TMEM132C: variants seen among roughly 807,000 people sequenced by gnomAD.
The protein encoded by TMEM132C is protein phosphatase 1, regulatory subunit 152.
In TMEM132C, 29 loss-of-function variants were observed where a neutral mutation model predicts 61.4. The ratio of observed to expected loss-of-function variants is 0.47; its 90% CI spans 0.35 to 0.64. TMEM132C has a LOEUF of 0.64. Ranked by LOEUF, TMEM132C falls within the 30% of genes least tolerant of loss-of-function variation. The probability of loss-of-function intolerance (pLI) is 0.00; values close to 1 mark genes in which losing one functional copy is unlikely to be tolerated. For synonymous variants in TMEM132C, 656 were observed against 633.1 expected (o/e 1.04, Z -0.54); for missense variants, 1,408 against 1,476.9 (o/e 0.95, Z 0.76).
At chr12:128,332,638 C>T (rs1872691640) in intron 1 of TMEM132C, among the ~76,000 whole-genome samples, 1 of 152,360 alleles carries the variant, frequency 6.6e-6, no homozygotes, top group Middle Eastern at 3.4e-3. Flanking sequence ...CTTTGGTGCA[C>T]CTGTCACCCT....
intron 4 of TMEM132C, among the ~76,000 whole-genome samples, chr12:128,640,796 A>G (rs545357034): frequency 2.6e-5 from 4 of 152,308 alleles, no homozygotes; most frequent in Admixed American, 1.3e-4. Flanking sequence ...CTGAGGTAGG[A>G]GGATCACTTG....
chr12:128,313,091 C>T (rs1872030287), intron 1 of TMEM132C, among the ~76,000 whole-genome samples: 1 of 152,232 alleles, frequency 6.6e-6, no homozygotes, highest in Admixed American at 6.5e-5. Context: ...CTGGCAGCCT[C>T]CGGCCTGCAA....
At chr12:128,340,797 C>CTCTT (rs1362815457) in intron 1 of TMEM132C, among the ~76,000 whole-genome samples, 1 of 137,810 alleles carries the variant, frequency 7.3e-6, no homozygotes, top group East Asian at 2.0e-4. Flanking sequence ...CTCTCTCTCT[C>CTCTT]TCTTTCTTTC....
intron 2 of TMEM132C, among the ~76,000 whole-genome samples, chr12:128,518,372 G>A (rs1201567209): frequency 6.6e-6 from 1 of 152,258 alleles, no homozygotes; most frequent in African/African-American, 2.4e-5. Flanking sequence ...AAGTTCAGGC[G>A]GCGTCCTTGG....
intron 3 of TMEM132C, among the ~76,000 whole-genome samples, chr12:128,569,136 A>G (rs1230473295): frequency 4.6e-5 from 7 of 152,034 alleles, no homozygotes; most frequent in African/African-American, 1.7e-4. Flanking sequence ...TTCTCTGAGG[A>G]GGTGATGTTT....
chr12:128,549,311 G>A (rs145296044), intron 3 of TMEM132C, among the ~76,000 whole-genome samples: 61 of 152,214 alleles, frequency 4.0e-4, no homozygotes, highest in African/African-American at 1.2e-3. Flanking sequence ...CGTGAGACAC[G>A]AGGCCAGGCC....
chr12:128,447,215 C>G (rs904217568), intron 2 of TMEM132C, among the ~76,000 whole-genome samples: 27 of 152,292 alleles, frequency 1.8e-4, no homozygotes, highest in Middle Eastern at 3.4e-3. Context: ...AATCATCATG[C>G]TCCCAGGGAA....
At chr12:128,288,954 C>T (rs2062027889) in intron 1 of TMEM132C, 1 of 152,244 alleles carries the variant, frequency 6.6e-6, no homozygotes, top group African/African-American at 2.4e-5. Flanking sequence ...TGCACCGCCC[C>T]CCACACAGTC....
chr12:128,505,977 G>T (rs187599565), intron 2 of TMEM132C, among the ~76,000 whole-genome samples: 172 of 152,318 alleles, frequency 1.1e-3, no homozygotes, highest in African/African-American at 4.1e-3. Flanking sequence ...GTGTTCTGCT[G>T]CATGTAACTG....
intron 5 of TMEM132C, among the ~76,000 whole-genome samples, chr12:128,692,196 A>G (rs1260659352): frequency 1.3e-5 from 2 of 152,142 alleles, no homozygotes; most frequent in African/African-American, 2.4e-5. Flanking sequence ...CCATCCATCC[A>G]TCTGTTCATC....
intron 3 of TMEM132C, among the ~76,000 whole-genome samples, chr12:128,544,645 G>A (rs183760847): frequency 5.8e-5 from 7 of 120,756 alleles, no homozygotes; most frequent in East Asian, 2.8e-4. Flanking sequence ...CAATTATAGC[G>A]GGGGGAATCA....
intron 2 of TMEM132C, among the ~76,000 whole-genome samples, chr12:128,514,538 G>A (rs1255172046): frequency 2.6e-5 from 4 of 152,042 alleles, no homozygotes; most frequent in Non-Finnish European, 4.4e-5. Context: ...GGGTGCGGGG[G>A]CGACGCAATT....
At chr12:128,327,451 C>T (rs1249535835) in intron 1 of TMEM132C, among the ~76,000 whole-genome samples, 7 of 149,256 alleles carry the variant, frequency 4.7e-5, no homozygotes, top group Non-Finnish European at 1.5e-5. Context: ...GGCGCGATCC[C>T]GGCTCACTGC....
At chr12:128,701,272 C>G (rs536332378) in intron 8 of TMEM132C, among the ~76,000 whole-genome samples, 1 of 150,118 alleles carries the variant, frequency 6.7e-6, no homozygotes, top group African/African-American at 2.5e-5. Flanking sequence ...CAAAGTTGAT[C>G]ATTGAAAGTT....
In TMEM132C at chr12:128,497,606, C is replaced by G. The variant is rs111998930; in HGVS notation, c.975-46351C>G. On this transcript the variant is annotated intron_variant, in intron 2 of 8. Transcript: ENST00000435159. ...TGCTGTGCTAGCAACGAGCGAGGCTCCGTGGGCATGGGACCCTCTGAGCCA... is the reference window on the plus strand; with the variant it reads ...TGCTGTGCTAGCAACGAGCGAGGCTGCGTGGGCATGGGACCCTCTGAGCCA... 4.6e-4 allele frequency among the ~76,000 whole-genome samples: 70 copies of G among 152,326 alleles called. 1 individual carries two copies. The highest frequency in any genetic ancestry group is 1.5e-3 in the African/African-American group (62 of 41,560).
intron 2 of TMEM132C, among the ~76,000 whole-genome samples, chr12:128,527,805 C>A (rs1206630231): frequency 6.6e-6 from 1 of 152,094 alleles, no homozygotes; most frequent in Admixed American, 6.6e-5. Context: ...CAAGCCAACA[C>A]TTGCCTAGGT....
At chr12:128,617,065 T>A (rs1876826144) in intron 4 of TMEM132C, among the ~76,000 whole-genome samples, 1 of 152,198 alleles carries the variant, frequency 6.6e-6, no homozygotes, top group Admixed American at 6.5e-5. Context: ...TCTAGAAAAG[T>A]GTTTCTCAAA....
chr12:128,392,135 T>C (rs1330600639), intron 1 of TMEM132C, among the ~76,000 whole-genome samples: 2 of 152,080 alleles, frequency 1.3e-5, no homozygotes, highest in South Asian at 2.1e-4. Context: ...CTTTTCTCTA[T>C]GGAGACAGGG....
chr12:128,376,883 T>A (rs1874208691), intron 1 of TMEM132C, among the ~76,000 whole-genome samples: 1 of 152,176 alleles, frequency 6.6e-6, no homozygotes, highest in Admixed American at 6.5e-5. Flanking sequence ...TGTGGGAAGA[T>A]AAGCATTGCT....
Sources: gnomAD v4.1 joint callset for allele counts (sites outside exome capture counted in the v4.1 genomes callset) on GRCh38, gnomAD v4.1.1 for gene constraint, MANE v1.5 for transcripts, NCBI Gene and HGNC (gene_info 2026-07-23, HGNC 2026-07-21) for gene names.